The following PLCB1 variants were observed in gnomAD, a reference collection of about 807,000 sequenced individuals.
PLCB1 encodes the protein 1-phosphatidylinositol 4,5-bisphosphate phosphodiesterase beta-1.
PLCB1 carries 46 observed loss-of-function variants against 161.8 expected under a neutral mutation model. The ratio of observed to expected loss-of-function variants is 0.28; its 90% CI spans 0.22 to 0.36. The LOEUF (loss-of-function observed/expected upper bound fraction) is 0.36. Among genes scored for constraint, PLCB1 ranks in the 10% least tolerant of loss-of-function variants. The probability of loss-of-function intolerance (pLI) is 1.00; values close to 1 mark genes in which losing one functional copy is unlikely to be tolerated. For missense variants in PLCB1, 1,016 were observed against 1,472.5 expected, an observed-to-expected ratio of 0.69 and a Z score of 5.07; for synonymous variants, 517 against 503.7, an observed-to-expected ratio of 1.03 and a Z score of -0.35.
chr20:8,831,962 CTTTCTTTCTTTCT>C lies in PLCB1; in HGVS notation c.3423+41704_3423+41716del, dbSNP rs1568617107. Reference sequence around the variant, plus strand: ...TCTTTCTTTCTTTCTTTCTTTCTTTCTTTCTTTCTTTCTTTCTTTCCTTCTTTCTTTCTGTGCT... The same window carrying C: ...TCTTTCTTTCTTTCTTTCTTTCTTTCTTCTTTCCTTCTTTCTTTCTGTGCT... On this transcript the variant is annotated intron_variant, in intron 31 of 31. Coordinates refer to ENST00000338037, the MANE Select transcript of PLCB1 (RefSeq NM_015192.4). Among the ~76,000 whole-genome samples the C allele has an allele frequency of 4.8e-5, 6 of 124,900 alleles. 2 individuals are homozygous for C. Among genetic ancestry groups the C allele is most frequent in the African/African-American group, 8.9e-5 (3 of 33,696 alleles). The allele number at this position is 124,900 out of a possible 152,430, so 81.9% of individuals were successfully genotyped here. A position where few individuals can be genotyped will look rare whatever the true frequency, so the allele number is the denominator to read the frequency against.
At chr20:8,213,846 T>A (rs1318474139) in intron 2 of PLCB1, among the ~76,000 whole-genome samples, 1 of 152,022 alleles carries the variant, frequency 6.6e-6, no homozygotes, top group Admixed American at 6.6e-5. Context: ...AAGCAGATTG[T>A]TCATGATTCT....
At chr20:8,760,147 C>T (rs1287452397) in intron 24 of PLCB1, among the ~76,000 whole-genome samples, 1 of 152,020 alleles carries the variant, frequency 6.6e-6, no homozygotes, top group African/African-American at 2.4e-5. Context: ...TCAAGTGATC[C>T]GCCTGCCTCG....
intron 9 of PLCB1, among the ~76,000 whole-genome samples, chr20:8,679,718 A>G (rs1990169323): frequency 6.6e-6 from 1 of 152,224 alleles, no homozygotes; most frequent in Non-Finnish European, 1.5e-5. Context: ...GAAGACTTTT[A>G]AATGCCATTA....
At chr20:8,443,292 T>C (rs147713923) in intron 3 of PLCB1, among the ~76,000 whole-genome samples, 1 of 152,274 alleles carries the variant, frequency 6.6e-6, no homozygotes, top group Non-Finnish European at 1.5e-5. Flanking sequence ...CTCGTGAGTT[T>C]TAATGCAACT....
intron 2 of PLCB1, among the ~76,000 whole-genome samples, chr20:8,340,591 T>G (rs1034565150): frequency 6.6e-6 from 1 of 151,776 alleles, no homozygotes; most frequent in Non-Finnish European, 1.5e-5. Flanking sequence ...CCCGGCTAAT[T>G]TTTTTGTGTT....
At chr20:8,750,920 A>C in intron 23 of PLCB1, 1 of 1,182,588 alleles carries the variant, frequency 8.5e-7, no homozygotes, top group Non-Finnish European at 1.2e-6. Context: ...CATAAGGTAA[A>C]AAGAACTGCA....
chr20:8,192,447 C>T (rs1032528088), intron 2 of PLCB1, among the ~76,000 whole-genome samples: 4 of 151,642 alleles, frequency 2.6e-5, no homozygotes, highest in Non-Finnish European at 4.4e-5. Context: ...ATTTGGTTAG[C>T]GATGTGGGAG....
Position 8,627,388 on chromosome 20 carries a change from G to C in PLCB1, c.247-906G>C, listed in dbSNP as rs2031583046. The stretch of plus-strand genomic sequence containing the variant: ...TGTATATCAAAACCTCCAAAAAGAG[G>C]TCAGAATAGCCAGTCTAAGTAATCA... On this transcript the variant is annotated intron_variant, in intron 3 of 31. Coordinates refer to ENST00000338037, the MANE Select transcript of PLCB1 (RefSeq NM_015192.4). 2.7e-5 allele frequency among the ~76,000 whole-genome samples: 4 copies of C among 150,756 alleles called. No homozygotes were observed. The Admixed American group carries it at 2.7e-4, about 10-fold the overall frequency.
intron 2 of PLCB1, among the ~76,000 whole-genome samples, chr20:8,204,143 A>G (rs1978397156): frequency 6.6e-6 from 1 of 152,128 alleles, no homozygotes; most frequent in Non-Finnish European, 1.5e-5. Flanking sequence ...GGAAAGAGAG[A>G]GCTAAGAATG....
In PLCB1 at chr20:8,390,010, T is replaced by A. The variant is rs562036897; in HGVS notation, c.246+18560T>A. On this transcript the variant is annotated intron_variant, in intron 3 of 31. Coordinates refer to ENST00000338037, the MANE Select transcript of PLCB1 (RefSeq NM_015192.4). Reference sequence around the variant, plus strand: ...CACAGAAAAGCATTGAGAATTTTCCTACAAAATATGCTTGTCAAAAGGACC... The same window carrying A: ...CACAGAAAAGCATTGAGAATTTTCCAACAAAATATGCTTGTCAAAAGGACC... Among the ~76,000 whole-genome samples, 9 of 152,306 alleles carry A rather than the reference T, an allele frequency of 5.9e-5. No homozygotes were observed. The East Asian group carries it at 1.7e-3, about 29-fold the overall frequency.
chr20:8,794,141 T>C (rs1983904240), intron 31 of PLCB1, among the ~76,000 whole-genome samples: 1 of 152,188 alleles, frequency 6.6e-6, no homozygotes, highest in South Asian at 2.1e-4. Flanking sequence ...TTCATATTGT[T>C]TAAACACATG....
chr20:8,881,729 C>T lies in PLCB1; in HGVS notation c.3531C>T (p.Ser1177=), dbSNP rs573278656. 2 of 1,613,868 alleles carry T rather than the reference C, an allele frequency of 1.2e-6. No homozygotes were observed. The highest frequency in any genetic ancestry group is 2.2e-5 in the East Asian group (1 of 44,862). ...TGAAAGGAAAGATCAGTGAAGACAG[C>T]AATCACGGTTCTGCCCCTCTCTCCC... The part of the protein sequence containing the change: ...EAMKGKISED[S]NHGSAPLSLS... Residue 1177 remains serine, a synonymous_variant, in exon 32 of 32, where the codon AGC becomes AGT. Transcript: ENST00000338037.
chr20:8,408,504 G>A (rs1258110056), intron 3 of PLCB1, among the ~76,000 whole-genome samples: 1 of 151,712 alleles, frequency 6.6e-6, no homozygotes, highest in Non-Finnish European at 1.5e-5. Context: ...TTCTGAATTG[G>A]AAGTTTTTTT....
chr20:8,292,376 G>A (rs904778796), intron 2 of PLCB1, among the ~76,000 whole-genome samples: 3 of 152,106 alleles, frequency 2.0e-5, no homozygotes, highest in Non-Finnish European at 4.4e-5. Context: ...TTAGTGAAAT[G>A]TAACCAATTG....
At chr20:8,737,266 G>T (rs548662725) in intron 20 of PLCB1, 74 bp downstream of exon 20, 5 of 1,193,554 alleles carry the variant, frequency 4.2e-6, no homozygotes, top group South Asian at 1.4e-5. Flanking sequence ...TAATGAAATG[G>T]TGAATTATTT....
chr20:8,556,657 GT>G (rs879572830), intron 3 of PLCB1, among the ~76,000 whole-genome samples: 1,066 of 5,604 alleles, frequency 0.19, 4 homozygotes, highest in African/African-American at 0.38. Context: ...AGAGGGTTGG[GT>G]GTGTGTGTGT....
intron 3 of PLCB1, among the ~76,000 whole-genome samples, chr20:8,452,792 A>C (rs1395536380): frequency 2.6e-5 from 4 of 152,230 alleles, no homozygotes; most frequent in Non-Finnish European, 5.9e-5. Context: ...CATTGGAGGA[A>C]AGATATTCTG....
At chr20:8,706,001 G>T (rs573692325) in intron 11 of PLCB1, among the ~76,000 whole-genome samples, 2 of 152,328 alleles carry the variant, frequency 1.3e-5, no homozygotes, top group African/African-American at 4.8e-5. Flanking sequence ...GCAATAAAAA[G>T]ACTGTCAGTC....
chr20:8,375,919 C>T (rs1156355417), intron 3 of PLCB1, among the ~76,000 whole-genome samples: 1 of 142,780 alleles, frequency 7.0e-6, no homozygotes, highest in Non-Finnish European at 1.5e-5. Flanking sequence ...TTCTTACCTC[C>T]TTCATCATGC....
Sources: allele counts gnomAD v4.1 joint callset (sites outside exome capture counted in the v4.1 genomes callset), GRCh38; gene constraint gnomAD v4.1.1; transcripts MANE v1.5; gene names NCBI Gene and HGNC (gene_info 2026-07-23, HGNC 2026-07-21).